HERC6: variants seen among roughly 807,000 people sequenced by gnomAD.
HERC6 encodes the protein probable E3 ubiquitin-protein ligase HERC6.
A neutral mutation model predicts 114.5 loss-of-function variants in HERC6; 101 were observed. That is an observed-to-expected ratio of 0.88 (90% confidence interval 0.75 to 1.04). The LOEUF (loss-of-function observed/expected upper bound fraction) is 1.04. Ranked by LOEUF, HERC6 falls within the 50% of genes least tolerant of loss-of-function variation. The pLI is 0.00. For synonymous variants in HERC6, 408 were observed against 436.2 expected (o/e 0.94, Z 0.81); for missense variants, 1,133 against 1,230.9 (o/e 0.92, Z 1.19).
intron 5 of HERC6, among the ~76,000 whole-genome samples, chr4:88,395,772 C>T (rs1386853841): frequency 6.6e-6 from 1 of 152,034 alleles, no homozygotes; most frequent in Non-Finnish European, 1.5e-5. Flanking sequence ...AATTCTCCTG[C>T]CACAGCCTTC....
Position 88,413,482 on chromosome 4 carries a change from T to A in HERC6, c.1558+216T>A, listed in dbSNP as rs573011213. 4.5e-4 allele frequency among the ~76,000 whole-genome samples: 68 copies of A among 152,182 alleles called. 1 individual carries two copies. The highest frequency in any genetic ancestry group is 2.2e-4 in the Non-Finnish European group (15 of 68,034). On this transcript the variant is annotated intron_variant, in intron 12 of 22. Transcript: ENST00000264346. Reference sequence around the variant, plus strand: ...TTTAGACTTGGATGTGGCTTTGACATCAGAGTTTGGTAGCTATAAGGTATT... The same window carrying A: ...TTTAGACTTGGATGTGGCTTTGACAACAGAGTTTGGTAGCTATAAGGTATT...
intron 3 of HERC6, among the ~76,000 whole-genome samples, chr4:88,387,442 C>G (rs1400036850): frequency 2.0e-5 from 3 of 152,140 alleles, no homozygotes; most frequent in African/African-American, 7.2e-5. Flanking sequence ...GATTTATATC[C>G]TCATTTCAGA....
chr4:88,442,366 C>T lies in HERC6; in HGVS notation c.2975C>T (p.Pro992Leu), dbSNP rs1251812123. 6 of 1,613,706 alleles carry T rather than the reference C, an allele frequency of 3.7e-6. No individual in the cohort carries two copies. Among genetic ancestry groups the T allele is most frequent in the African/African-American group, 2.7e-5 (2 of 74,894 alleles). The change falls in exon 23 of 23, where the codon CCT (proline) becomes CTT (leucine). Residue 992 changes from proline to leucine, a missense_variant. Physicochemically the swap from Pro to Leu is moderately conservative, Grantham distance 98. Coordinates refer to ENST00000264346, the MANE Select transcript of HERC6 (RefSeq NM_017912.4). ...ACTTGTCATAATATTCTCTCCCTCC[C>T]TAAGTATTCTACAATGGAAAGAATG... ...SITCHNILSLPKYSTMERMEE... is the reference protein window; with the variant it reads ...SITCHNILSLLKYSTMERMEE...
At position 88,428,570 on chromosome 4, in the gene HERC6, A is replaced by AT. The variant is rs1737865991; in HGVS notation, c.1936-5dup. On this transcript the variant is annotated splice_polypyrimidine_tract_variant and intron_variant, in intron 15 of 22. Transcript: ENST00000264346. ...AAAGGAGAAGCCAACTAAAAAATTT[A>AT]TTTTTCCAGATGTCAGAAAAGAAAG... 6.4e-7 allele frequency: 1 copy of AT among 1,565,972 alleles called. No homozygotes were observed. Among genetic ancestry groups the AT allele is most frequent in the Admixed American group, 2.1e-5 (1 of 48,354 alleles).
intron 22 of HERC6, among the ~76,000 whole-genome samples, chr4:88,441,096 T>G (rs536664876): frequency 6.6e-6 from 1 of 152,148 alleles, no homozygotes; most frequent in Non-Finnish European, 1.5e-5. Context: ...TTTTCTACAC[T>G]GACTTTTTCT....
intron 5 of HERC6, among the ~76,000 whole-genome samples, chr4:88,393,928 A>G (rs1735058363): frequency 1.3e-5 from 2 of 152,166 alleles, no homozygotes; most frequent in South Asian, 2.1e-4. Flanking sequence ...TTCTGCCTTC[A>G]TGACCTAATC....
At chr4:88,432,018 T>C (rs1738266144) in intron 17 of HERC6, among the ~76,000 whole-genome samples, 1 of 152,198 alleles carries the variant, frequency 6.6e-6, no homozygotes, top group Non-Finnish European at 1.5e-5. Context: ...GGTAAACAAA[T>C]TGTAGTACAT....
At position 88,404,900 on chromosome 4, in the gene HERC6, G is replaced by A. The variant is rs757411623; in HGVS notation, c.1117G>A (p.Gly373Arg). The change falls in exon 9 of 23, where the codon GGG (glycine) becomes AGG (arginine). Residue 373 changes from glycine to arginine, a missense_variant. By Grantham distance (125) the Gly-to-Arg change is moderately radical. This residue lies in a region of HERC6 where 735 missense variants were observed against 754.0 expected (regional missense o/e 0.97). Transcript: ENST00000264346. ...HQDTSSTRAP[G>R]KTLPEISRIS... ...GGATACTAGTTCCACACGTGCTCCC[G>A]GGAAAACCCTGCCAGAAATAAGCCG... 2.5e-5 allele frequency: 41 copies of A among 1,613,596 alleles called. No homozygotes were observed. The highest frequency in any genetic ancestry group is 3.4e-5 in the Non-Finnish European group (40 of 1,179,642).
At position 88,383,231 on chromosome 4, in the gene HERC6, G is replaced by A. The variant is rs1486977664; in HGVS notation, c.210G>A (p.Gln70=). The A allele has an allele frequency of 6.2e-7, 1 of 1,610,470 alleles. No homozygotes were observed. Among genetic ancestry groups the A allele is most frequent in the Non-Finnish European group, 8.5e-7 (1 of 1,178,428 alleles). The change falls in exon 2 of 23, where the codon CAG becomes CAA. Residue 70 remains glutamine, a synonymous_variant. Transcript: ENST00000264346. The part of the protein sequence containing the change: ...AQRGELPEPI[Q]ALETLIVDLV... ...TTTTGTTTCCCAAAGAACCAATTCA[G>A]GCATTGGAAACCCTAATTGTTGATC...
chr4:88,429,745 T>G (rs1737995743), intron 16 of HERC6, among the ~76,000 whole-genome samples: 1 of 152,150 alleles, frequency 6.6e-6, no homozygotes, highest in Non-Finnish European at 1.5e-5. Context: ...AGCATGTGAC[T>G]CCAATGGAAA....
rs1035013280 is a variant in HERC6 at position 88,442,168 on chromosome 4, T to C, written c.2843-66T>C. ...ATACTTACTGAATGAAGTGATTAAT[T>C]TCTTCCTTTTCATTATGTTTTACTC... On this transcript the variant is annotated intron_variant, in intron 22 of 22. Transcript: ENST00000264346. 3 of 1,150,430 alleles carry C rather than the reference T, an allele frequency of 2.6e-6. No individual in the cohort carries two copies. In the East Asian group the frequency reaches 7.6e-5, roughly 29 times the overall value. 71.3% of individuals were successfully genotyped at this position (1,150,430 alleles called of 1,614,324 possible). A position where few individuals can be genotyped will look rare whatever the true frequency, so the allele number is the denominator to read the frequency against.
chr4:88,438,574 G>C (rs191874390), intron 20 of HERC6, among the ~76,000 whole-genome samples: 128 of 152,268 alleles, frequency 8.4e-4, no homozygotes, highest in African/African-American at 3.0e-3. Flanking sequence ...TATAATGTCA[G>C]ATAAGGATGA....
At chr4:88,398,631 T>C (rs764104634) in intron 8 of HERC6, 30 of 156,756 alleles carry the variant, frequency 1.9e-4, no homozygotes, top group Middle Eastern at 3.1e-3. Context: ...GATTGCCATG[T>C]GTGTGAGTGT....
At chr4:88,400,646 C>T (rs893225387) in intron 8 of HERC6, among the ~76,000 whole-genome samples, 12 of 152,204 alleles carry the variant, frequency 7.9e-5, no homozygotes, top group Admixed American at 1.3e-4. Flanking sequence ...TGAAATCTCA[C>T]ACCATTCCAC....
At chr4:88,414,780 G>A (rs577872462) in intron 12 of HERC6, among the ~76,000 whole-genome samples, 1 of 152,248 alleles carries the variant, frequency 6.6e-6, no homozygotes, top group African/African-American at 2.4e-5. Context: ...ATTCTAGCCG[G>A]CTTCTTTACT....
intron 10 of HERC6, 86 bp downstream of exon 10, chr4:88,405,699 T>C: frequency 1.5e-6 from 1 of 686,264 alleles, no homozygotes; most frequent in Non-Finnish European, 2.2e-6. Context: ...ATTTGTGAAT[T>C]TTGTTATTCT....
At position 88,417,476 on chromosome 4, in the gene HERC6, T is replaced by C. The variant is rs1434318332; in HGVS notation, c.1610T>C (p.Met537Thr). 2 of 1,611,454 alleles carry C rather than the reference T, an allele frequency of 1.2e-6. No individual in the cohort carries two copies. Among genetic ancestry groups the C allele is most frequent in the African/African-American group, 1.3e-5 (1 of 74,914 alleles). ...TCTTCTCTGAATCCGCTGATCCAGA[T>C]GCTTAAAGCAGCCATCATCTCTCAG... ...QESSLNPLIQMLKAAIISQLL... is the reference protein window; with the variant it reads ...QESSLNPLIQTLKAAIISQLL... Residue 537 changes from methionine to threonine, a missense_variant, in exon 13 of 23, where the codon ATG becomes ACG. This residue lies in a region of HERC6 where 735 missense variants were observed against 754.0 expected (regional missense o/e 0.97). Coordinates refer to ENST00000264346, the MANE Select transcript of HERC6 (RefSeq NM_017912.4).
In HERC6 at chr4:88,385,712, CT is replaced by C; in HGVS notation, c.436+138del. The C allele has an allele frequency of 5.3e-6, 3 of 568,850 alleles. No individual in the cohort carries two copies. The South Asian group carries it at 7.4e-5, about 14-fold the overall frequency. The allele number at this position is 568,850 out of a possible 1,614,324, so 35.2% of individuals were successfully genotyped here. A position where few individuals can be genotyped will look rare whatever the true frequency, so the allele number is the denominator to read the frequency against. On this transcript the variant is annotated intron_variant, in intron 3 of 22. Transcript: ENST00000264346. ...AGGTTTCATAAGATATATTGTTTTCCTATTTTTTTCTCAAATTTCTTGGTCC... is the reference window on the plus strand; with the variant it reads ...AGGTTTCATAAGATATATTGTTTTCCATTTTTTTCTCAAATTTCTTGGTCC...
intron 11 of HERC6, among the ~76,000 whole-genome samples, chr4:88,412,344 G>T (rs1381675293): frequency 6.6e-6 from 1 of 152,156 alleles, no homozygotes; most frequent in Non-Finnish European, 1.5e-5. Flanking sequence ...ACTGGCTCAT[G>T]CCTGTAATCC....
Sources: allele counts gnomAD v4.1 joint callset (sites outside exome capture counted in the v4.1 genomes callset), GRCh38; gene constraint gnomAD v4.1.1; regional missense constraint gnomAD v4.1.1; transcripts MANE v1.5; gene names NCBI Gene and HGNC (gene_info 2026-07-23, HGNC 2026-07-21).